The following FGF7 variants were observed in gnomAD, a reference collection of about 807,000 sequenced individuals.
FGF7 encodes the protein fibroblast growth factor 7.
FGF7 carries 6 observed loss-of-function variants against 20.5 expected under a neutral mutation model. The ratio of observed to expected loss-of-function variants is 0.29; its 90% confidence interval spans 0.16 to 0.58. The LOEUF (loss-of-function observed/expected upper bound fraction) is 0.58. Ranked by LOEUF, FGF7 falls within the 20% of genes least tolerant of loss-of-function variation. FGF7 has a pLI of 0.90. For synonymous variants in FGF7, 64 were observed against 74.7 expected (o/e 0.86, Z 0.74); for missense variants, 144 against 228.8 (o/e 0.63, Z 2.39).
chr15:49,424,141 T>A lies in FGF7; in HGVS notation c.-157T>A. The A allele has an allele frequency of 1.7e-6, 1 of 603,082 alleles. No individual in the cohort carries two copies. The highest frequency in any genetic ancestry group is 2.9e-6 in the Non-Finnish European group (1 of 348,956). 37.4% of individuals were successfully genotyped at this position (603,082 alleles called of 1,614,324 possible). A position where few individuals can be genotyped will look rare whatever the true frequency, so the allele number is the denominator to read the frequency against. On this transcript the variant is annotated 5_prime_UTR_variant, in exon 2 of 4. Transcript: ENST00000267843. ...GGAATCCTGTGTTGTTATCAGGAAC[T>A]AAAAGGATAAGGCTAACAATTTGGA...
intron 2 of FGF7, among the ~76,000 whole-genome samples, chr15:49,436,270 T>C (rs1193320990): frequency 6.6e-6 from 1 of 151,580 alleles, no homozygotes; most frequent in East Asian, 1.9e-4. Flanking sequence ...TTTCTGAAAA[T>C]ATTTGAGTAG....
At chr15:49,472,891 G>A (rs892100458) in intron 2 of FGF7, among the ~76,000 whole-genome samples, 12 of 148,014 alleles carry the variant, frequency 8.1e-5, no homozygotes, top group African/African-American at 2.9e-4. Context: ...TAAGAGAAAG[G>A]AGTATCTAAT....
At chr15:49,429,371 C>A (rs550333370) in intron 2 of FGF7, among the ~76,000 whole-genome samples, 7 of 152,044 alleles carry the variant, frequency 4.6e-5, no homozygotes, top group African/African-American at 1.4e-4. Flanking sequence ...ATTTTATAAT[C>A]TTTTCTTTTT....
chr15:49,431,775 A>G (rs964171130), intron 2 of FGF7, among the ~76,000 whole-genome samples: 1 of 151,820 alleles, frequency 6.6e-6, no homozygotes, highest in Non-Finnish European at 1.5e-5. Context: ...TCTTCTGTAA[A>G]CTTAAAATGA....
chr15:49,467,623 C>T (rs2054380196), intron 2 of FGF7, among the ~76,000 whole-genome samples: 1 of 152,080 alleles, frequency 6.6e-6, no homozygotes, highest in Non-Finnish European at 1.5e-5. Flanking sequence ...ATAATATCCA[C>T]ACCTATTCTG....
At chr15:49,479,748 G>A (rs1169664020) in intron 2 of FGF7, among the ~76,000 whole-genome samples, 3 of 151,540 alleles carry the variant, frequency 2.0e-5, no homozygotes, top group Middle Eastern at 6.8e-3. Context: ...CGAGTAACTG[G>A]GATTACAGAC....
Position 49,424,457 on chromosome 15 carries a change from A to G in FGF7, c.160A>G (p.Arg54Gly). The change falls in exon 2 of 4, where the codon AGA (arginine) becomes GGA (glycine). Residue 54 changes from arginine (R) to glycine (G), a missense_variant. This residue lies in a region of FGF7 where 88 missense variants were observed against 103.4 expected (regional missense o/e 0.85). Coordinates refer to ENST00000267843, the MANE Select transcript of FGF7 (RefSeq NM_002009.4). ...VNCSSPERHT[R>G]SYDYMEGGDI... ...CTGTTCCAGCCCTGAGCGACACACAAGAAGTTATGATTACATGGAAGGAGG... is the reference window on the plus strand; with the variant it reads ...CTGTTCCAGCCCTGAGCGACACACAGGAAGTTATGATTACATGGAAGGAGG... The G allele has an allele frequency of 6.2e-7, 1 of 1,613,668 alleles. No individual in the cohort carries two copies. Among genetic ancestry groups the G allele is most frequent in the Non-Finnish European group, 8.5e-7 (1 of 1,179,678 alleles).
At chr15:49,439,835 A>G (rs536625850) in intron 2 of FGF7, among the ~76,000 whole-genome samples, 1 of 151,862 alleles carries the variant, frequency 6.6e-6, no homozygotes, top group South Asian at 2.1e-4. Context: ...GGTTGTATGA[A>G]ACAAAGACAA....
intron 2 of FGF7, among the ~76,000 whole-genome samples, chr15:49,432,370 A>T (rs2050693601): frequency 6.6e-6 from 1 of 151,674 alleles, no homozygotes; most frequent in South Asian, 2.1e-4. Flanking sequence ...ATATTAGGTT[A>T]AATAAAATTG....
At chr15:49,445,970 T>C (rs2052164365) in intron 2 of FGF7, among the ~76,000 whole-genome samples, 1 of 151,586 alleles carries the variant, frequency 6.6e-6, no homozygotes, top group Non-Finnish European at 1.5e-5. Flanking sequence ...ATCTACATTA[T>C]AATTTTATAT....
chr15:49,474,375 T>C (rs1313084226), intron 2 of FGF7, among the ~76,000 whole-genome samples: 1 of 152,204 alleles, frequency 6.6e-6, no homozygotes, highest in Admixed American at 6.5e-5. Flanking sequence ...TTATTCTGCA[T>C]AGCTTCAGAG....
At chr15:49,482,511 C>T (rs2056044472) in intron 2 of FGF7, among the ~76,000 whole-genome samples, 1 of 151,992 alleles carries the variant, frequency 6.6e-6, no homozygotes, top group Non-Finnish European at 1.5e-5. Context: ...CCATCATTTA[C>T]ACTTGCTTTA....
chr15:49,439,469 T>G (rs937135722), intron 2 of FGF7, among the ~76,000 whole-genome samples: 1 of 151,770 alleles, frequency 6.6e-6, no homozygotes, highest in Non-Finnish European at 1.5e-5. Context: ...TAGTGAATAC[T>G]AAGTGTTAGG....
At chr15:49,436,731 G>A (rs12592296) in intron 2 of FGF7, among the ~76,000 whole-genome samples, 3,507 of 151,620 alleles carry the variant, frequency 0.023, 86 homozygotes, top group South Asian at 0.13. Flanking sequence ...AAGTTGGGAT[G>A]TGAATGCAAG....
At chr15:49,438,616 C>A (rs1392209037) in intron 2 of FGF7, among the ~76,000 whole-genome samples, 1 of 151,556 alleles carries the variant, frequency 6.6e-6, no homozygotes, top group African/African-American at 2.4e-5. Context: ...AGAGGGAGCA[C>A]GAGGACAAGG....
At chr15:49,458,283 A>ACC (rs141562492) in intron 2 of FGF7, among the ~76,000 whole-genome samples, 3 of 151,628 alleles carry the variant, frequency 2.0e-5, no homozygotes, top group East Asian at 3.9e-4. Flanking sequence ...GAGAAAAAGA[A>ACC]CCCCCCCACG....
intron 2 of FGF7, among the ~76,000 whole-genome samples, chr15:49,453,068 T>C (rs2052917821): frequency 6.6e-6 from 1 of 152,110 alleles, no homozygotes; most frequent in African/African-American, 2.4e-5. Context: ...GGAAATGTAA[T>C]TTTTATAAAT....
chr15:49,437,146 A>G (rs1260240867), intron 2 of FGF7, among the ~76,000 whole-genome samples: 1 of 151,592 alleles, frequency 6.6e-6, no homozygotes, highest in Non-Finnish European at 1.5e-5. Context: ...ATGCATAATA[A>G]TAATTATCCA....
Position 49,424,259 on chromosome 15 carries a change from C to T in FGF7, c.-39C>T. 6.4e-7 allele frequency: 1 copy of T among 1,566,916 alleles called. No homozygotes were observed. On this transcript the variant is annotated 5_prime_UTR_variant, in exon 2 of 4. Transcript: ENST00000267843. ...TAACAATCAACTCAAGATTCATTTTCATTATGTTATTCATGAACACCCGGA... is the reference window on the plus strand; with the variant it reads ...TAACAATCAACTCAAGATTCATTTTTATTATGTTATTCATGAACACCCGGA...
Sources: gnomAD v4.1 joint callset for allele counts (sites outside exome capture counted in the v4.1 genomes callset) on GRCh38, gnomAD v4.1.1 for gene constraint, gnomAD v4.1.1 regional missense constraint, MANE v1.5 for transcripts, NCBI Gene and HGNC (gene_info 2026-07-23, HGNC 2026-07-21) for gene names.